RBPJ: variants seen among roughly 807,000 people sequenced by gnomAD.
RBPJ encodes recombining binding protein suppressor of hairless.
RBPJ carries 9 observed loss-of-function variants against 67.8 expected under a neutral mutation model. The ratio of observed to expected loss-of-function variants is 0.13; its 90% CI spans 0.08 to 0.23. The LOEUF (loss-of-function observed/expected upper bound fraction) is 0.23. RBPJ is among the 10% of genes least tolerant of loss of function. The pLI, the probability that RBPJ is intolerant of heterozygous loss-of-function variation, is 1.00. For missense variants in RBPJ, 305 were observed against 595.6 expected, an observed-to-expected ratio of 0.51 and a Z score of 5.08; for synonymous variants, 198 against 203.3, an observed-to-expected ratio of 0.97 and a Z score of 0.22.
upstream of RBPJ, chr4:26,320,507 T>C (rs1553861815): frequency 1.5e-5 from 7 of 475,010 alleles, no homozygotes; most frequent in South Asian, 1.4e-4. Flanking sequence ...CAGGGAACGT[T>C]TGAATGAATG....
intron 1 of RBPJ, among the ~76,000 whole-genome samples, chr4:26,181,065 G>A (rs1224799412): frequency 6.6e-6 from 1 of 152,136 alleles, no homozygotes; most frequent in Non-Finnish European, 1.5e-5. Context: ...CTTCTGCCAT[G>A]ACTGTGAGGC....
At chr4:26,210,686 C>CTTTCCTTTCTTTCTTTCTTT (rs56289492) in intron 1 of RBPJ, among the ~76,000 whole-genome samples, 1 of 65,396 alleles carries the variant, frequency 1.5e-5, no homozygotes, top group African/African-American at 5.3e-5. Context: ...TTCTTTCTTT[C>CTTTCCTTTCTTTCTTTCTTT]CTTTCTTTCT....
chr4:26,158,969 C>CTCTCTCTCTCTA (rs1167888305), upstream of RBPJ, among the ~76,000 whole-genome samples: 3 of 151,726 alleles, frequency 2.0e-5, no homozygotes, highest in Non-Finnish European at 4.4e-5. Flanking sequence ...CTCTCTCTCT[C>CTCTCTCTCTCTA]TCTCTCTCTC....
intron 1 of RBPJ, among the ~76,000 whole-genome samples, chr4:26,385,972 G>T (rs757169274): frequency 1.3e-5 from 2 of 151,672 alleles, no homozygotes; most frequent in African/African-American, 2.4e-5. Context: ...CAGGCTAATA[G>T]AATTATTTTA....
intron 1 of RBPJ, among the ~76,000 whole-genome samples, chr4:26,322,676 C>T (rs78008458): frequency 1.5e-3 from 60 of 40,860 alleles, no homozygotes; most frequent in Non-Finnish European, 1.9e-3. Context: ...TATATATATA[C>T]ACACACACAC....
chr4:26,349,458 A>G (rs116347268), intron 1 of RBPJ, among the ~76,000 whole-genome samples: 67 of 152,306 alleles, frequency 4.4e-4, no homozygotes, highest in African/African-American at 1.5e-3. Context: ...CTTCTTTAAT[A>G]CTTTGCGATA....
Position 26,274,789 on chromosome 4 carries a change from C to T in RBPJ, c.-166-87657C>T, listed in dbSNP as rs563706401. Among the ~76,000 whole-genome samples the T allele has an allele frequency of 2.6e-5, 4 of 152,098 alleles. No individual in the cohort carries two copies. In the South Asian group the frequency reaches 8.3e-4, roughly 32 times the overall value. ...CGTCTATCGAAAACACAAAAATTAG[C>T]CAGGGGTGGTGGTGCACATTTGTGA... On this transcript the variant is annotated intron_variant, in intron 1 of 4. Coordinates refer to the RBPJ transcript ENST00000512351.
At chr4:26,109,485 TATATATAC>T in the RBPJ span, among the ~76,000 whole-genome samples, 1 of 61,994 alleles carries the variant, frequency 1.6e-5, no homozygotes, top group Non-Finnish European at 3.2e-5. Context: ...TATATATATA[TATATATAC>T]ACACACACAT....
chr4:26,210,763 CTTTCTTTCTTTCT>C (rs1718385392), intron 1 of RBPJ, among the ~76,000 whole-genome samples: 1 of 115,552 alleles, frequency 8.7e-6, no homozygotes, highest in African/African-American at 3.2e-5. Context: ...TTCTTTCTTT[CTTTCTTTCTTTCT>C]TTCTTTCTTT....
the RBPJ span, among the ~76,000 whole-genome samples, chr4:26,109,479 T>TACACACAC: frequency 0.033 from 1,670 of 51,378 alleles, 256 homozygotes; most frequent in African/African-American, 0.045. Flanking sequence ...TATATATATA[T>TACACACAC]ATATATATAT....
chr4:26,148,995 C>T, the RBPJ span, among the ~76,000 whole-genome samples: 5 of 152,218 alleles, frequency 3.3e-5, no homozygotes, highest in African/African-American at 1.2e-4. Context: ...ATATATTTCT[C>T]TACTGGGAGT....
chr4:26,363,564 G>A (rs1046818755), intron 1 of RBPJ, among the ~76,000 whole-genome samples: 2 of 152,022 alleles, frequency 1.3e-5, no homozygotes, highest in African/African-American at 2.4e-5. Flanking sequence ...TCAGCCTTCC[G>A]AGTAGCTGGG....
chr4:26,126,772 T>C, the RBPJ span, among the ~76,000 whole-genome samples: 1 of 152,246 alleles, frequency 6.6e-6, no homozygotes, highest in East Asian at 1.9e-4. Flanking sequence ...TTAGGTGCTT[T>C]TGAATGCAAA....
At chr4:26,412,071 C>T (rs1447368772) in intron 3 of RBPJ, among the ~76,000 whole-genome samples, 3 of 148,242 alleles carry the variant, frequency 2.0e-5, no homozygotes, top group Admixed American at 6.7e-5. Flanking sequence ...GTGGAGGTCG[C>T]GCCACTGCAC....
intron 1 of RBPJ, among the ~76,000 whole-genome samples, chr4:26,344,380 G>A (rs578170126): frequency 1.3e-5 from 2 of 151,948 alleles, no homozygotes; most frequent in East Asian, 1.9e-4. Context: ...GACTACAGGC[G>A]CCTGCCATCA....
At chr4:26,112,814 T>C in the RBPJ span, 3 of 146,014 alleles carry the variant, frequency 2.1e-5, no homozygotes, top group African/African-American at 7.7e-5. Flanking sequence ...GGCTGGAGTG[T>C]AGCAGTGGGA....
chr4:26,120,453 A>AT, the RBPJ span, among the ~76,000 whole-genome samples: 2 of 152,008 alleles, frequency 1.3e-5, no homozygotes, highest in African/African-American at 2.4e-5. Flanking sequence ...CGGTACCTCT[A>AT]TTTTTTTCTT....
chr4:26,167,224 TTAAAG>T (rs1716354192), intron 1 of RBPJ, among the ~76,000 whole-genome samples: 1 of 152,162 alleles, frequency 6.6e-6, no homozygotes, highest in South Asian at 2.1e-4. Flanking sequence ...CATATGAACT[TTAAAG>T]TAGTTTTTTC....
intron 1 of RBPJ, among the ~76,000 whole-genome samples, chr4:26,335,139 T>A (rs528347425): frequency 6.6e-6 from 1 of 152,258 alleles, no homozygotes; most frequent in African/African-American, 2.4e-5. Flanking sequence ...CTTCAGTAAC[T>A]TCCTTATTTC....
Sources: allele counts gnomAD v4.1 joint callset (sites outside exome capture counted in the v4.1 genomes callset), GRCh38; gene constraint gnomAD v4.1.1; transcripts MANE v1.5; gene names NCBI Gene and HGNC (gene_info 2026-07-23, HGNC 2026-07-21).